PLXNA2: variants seen among roughly 807,000 people sequenced by gnomAD.
The protein encoded by PLXNA2 is plexin-A2.
In PLXNA2, 91 loss-of-function variants were observed where a neutral mutation model predicts 193.5. The ratio of observed to expected loss-of-function variants is 0.47; its 90% CI spans 0.40 to 0.56. The LOEUF is 0.56. PLXNA2 is among the 20% of genes least tolerant of loss of function. PLXNA2 has a pLI of 0.00. For synonymous variants in PLXNA2, 997 were observed against 1,027.3 expected (o/e 0.97, Z 0.56); for missense variants, 1,995 against 2,503.2 (o/e 0.80, Z 4.33).
chr1:208,233,971 G>A (rs1671773229), intron 1 of PLXNA2, among the ~76,000 whole-genome samples: 1 of 152,194 alleles, frequency 6.6e-6, no homozygotes, highest in Non-Finnish European at 1.5e-5. Context: ...CAGATGGGAA[G>A]AGAAGAGGAG....
At chr1:208,205,344 G>A (rs988259395) in intron 3 of PLXNA2, among the ~76,000 whole-genome samples, 4 of 152,180 alleles carry the variant, frequency 2.6e-5, no homozygotes, top group Non-Finnish European at 4.4e-5. Context: ...CTGTCATGAG[G>A]AACTGGACCC....
At position 208,044,037 on chromosome 1, in the gene PLXNA2, G is replaced by A. The variant is rs758334106; in HGVS notation, c.3874+471C>T. 1.4e-4 allele frequency among the ~76,000 whole-genome samples: 22 copies of A among 152,182 alleles called. No homozygotes were observed. The highest frequency in any genetic ancestry group is 1.2e-4 in the African/African-American group (5 of 41,454). ...ACCAGCAAGTGGCGGCCTTCAGAGC[G>A]CTCAGCCTGCAGCACTGATGGAAAA... On this transcript the variant is annotated intron_variant, in intron 20 of 31. Transcript: ENST00000367033. This position sits in a 1 kb window ranked among gnomAD's most constrained non-coding sequence, Gnocchi z 4.9.
In PLXNA2 at chr1:208,046,095, G is replaced by A; in HGVS notation, c.3278C>T (p.Thr1093Ile). Residue 1093 changes from threonine (T) to isoleucine (I), a missense_variant, in exon 18 of 32, where the codon ACC (threonine) becomes ATC (isoleucine). Around this residue, in one of 3 missense-constraint regions of PLXNA2, gnomAD observed 1,291 missense variants for 1,673.6 expected, o/e 0.77. Transcript: ENST00000367033. ...SVNVCKVVNT[T>I]TLTCLAPSLT... ...AGAGGGTGCCAGGCAGGTGAGGGTG[G>A]TTGTGTTCACAACTTTACACACCTA... 6.2e-7 allele frequency: 1 copy of A among 1,614,162 alleles called. No individual in the cohort carries two copies.
At chr1:208,112,592 A>G (rs1223179549) in intron 4 of PLXNA2, among the ~76,000 whole-genome samples, 1 of 152,134 alleles carries the variant, frequency 6.6e-6, no homozygotes, top group Non-Finnish European at 1.5e-5. Flanking sequence ...TAGCATGGAA[A>G]AGCTGCAGAG....
chr1:208,041,595 C>A (rs1664871531), intron 22 of PLXNA2, among the ~76,000 whole-genome samples: 1 of 152,190 alleles, frequency 6.6e-6, no homozygotes, highest in African/African-American at 2.4e-5. Context: ...AATGTGGCAA[C>A]CAAGCACTTA....
At chr1:208,214,140 C>A (rs930047585) in intron 2 of PLXNA2, among the ~76,000 whole-genome samples, 2 of 149,446 alleles carry the variant, frequency 1.3e-5, no homozygotes, top group Non-Finnish European at 3.0e-5. Flanking sequence ...AAAAAAAAAA[C>A]CAAAGACTAT....
chr1:208,171,872 AGAT>A (rs1669505588), intron 3 of PLXNA2, among the ~76,000 whole-genome samples: 1 of 151,942 alleles, frequency 6.6e-6, no homozygotes, highest in African/African-American at 2.4e-5. Context: ...GTTTTTTTTA[AGAT>A]GATAATAATA....
chr1:208,188,757 C>T (rs969589516), intron 3 of PLXNA2, among the ~76,000 whole-genome samples: 5 of 151,816 alleles, frequency 3.3e-5, no homozygotes, highest in African/African-American at 4.8e-5. Context: ...ATCCCAACCT[C>T]TCAAGCTGCT....
chr1:208,023,725 A>G lies in PLXNA2; in HGVS notation c.*3518T>C, dbSNP rs1470608674. 1 of 152,286 alleles carries G rather than the reference A, an allele frequency of 6.6e-6. No homozygotes were observed. Among genetic ancestry groups the G allele is most frequent in the Non-Finnish European group, 1.5e-5 (1 of 68,060 alleles). The allele number at this position is 152,286 out of a possible 1,614,324, so 9.4% of individuals were successfully genotyped here. A position where few individuals can be genotyped will look rare whatever the true frequency, so the allele number is the denominator to read the frequency against. ...AACTGTTGCCTGCTAAGTTGGTGGC[A>G]GGAACCAGCTTCCTGAAGGATATAA... On this transcript the variant is annotated 3_prime_UTR_variant, in exon 32 of 32. Transcript: ENST00000367033.
intron 3 of PLXNA2, among the ~76,000 whole-genome samples, chr1:208,194,855 C>T (rs940052867): frequency 2.0e-5 from 3 of 152,142 alleles, no homozygotes; most frequent in Non-Finnish European, 2.9e-5. Context: ...CCCAAGGGCA[C>T]CTTTTCTGGA....
chr1:208,109,264 G>T (rs1667384919), intron 4 of PLXNA2, among the ~76,000 whole-genome samples: 1 of 152,134 alleles, frequency 6.6e-6, no homozygotes, highest in African/African-American at 2.4e-5. Flanking sequence ...GGCTCCCTGG[G>T]CCTCTCTCCT....
At chr1:208,182,883 G>T (rs1421828490) in intron 3 of PLXNA2, among the ~76,000 whole-genome samples, 1 of 152,002 alleles carries the variant, frequency 6.6e-6, no homozygotes, top group Admixed American at 6.6e-5. Context: ...TAGGGGTAGG[G>T]GACAGTAAAA....
intron 24 of PLXNA2, 96 bp from the exon 25 acceptor site, chr1:208,039,080 A>G: frequency 8.7e-7 from 1 of 1,152,806 alleles, no homozygotes; most frequent in Non-Finnish European, 1.2e-6. Context: ...TCCAAAGTTC[A>G]CCCTCCTTAT....
chr1:208,158,448 C>G (rs1030664877), intron 3 of PLXNA2, among the ~76,000 whole-genome samples: 2 of 152,290 alleles, frequency 1.3e-5, no homozygotes, highest in Admixed American at 6.5e-5. Context: ...TGCATTTCCC[C>G]CTGTCTGCCC....
chr1:208,158,448 CCT>C (rs1357150346), intron 3 of PLXNA2, among the ~76,000 whole-genome samples: 3 of 152,172 alleles, frequency 2.0e-5, no homozygotes, highest in African/African-American at 2.4e-5. Context: ...TGCATTTCCC[CCT>C]GTCTGCCCCA....
intron 28 of PLXNA2, among the ~76,000 whole-genome samples, chr1:208,033,114 C>T (rs1284290913): frequency 1.3e-5 from 2 of 151,264 alleles, no homozygotes; most frequent in Non-Finnish European, 2.9e-5. Flanking sequence ...CAGGCTGGTC[C>T]CATACTCTTG....
intron 14 of PLXNA2, 93 bp from the exon 15 acceptor site, chr1:208,052,556 T>C: frequency 7.6e-7 from 1 of 1,312,528 alleles, no homozygotes; most frequent in South Asian, 1.3e-5. Flanking sequence ...ATTGTTTTCA[T>C]TCTGGGCGTG....
rs535528710 is a variant in PLXNA2, at chr1:208,147,606, C to T, written c.1372-5143G>A. Among the ~76,000 whole-genome samples, 13 of 152,348 alleles carry T rather than the reference C, an allele frequency of 8.5e-5. No individual in the cohort carries two copies. In the South Asian group the frequency reaches 2.7e-3, roughly 32 times the overall value. On this transcript the variant is annotated intron_variant, in intron 3 of 31. Transcript: ENST00000367033. ...ACTCATTTAACACTTCCAAGCATTC[C>T]TGAGGTAAATACTATTTTAAATCCC...
intron 1 of PLXNA2, among the ~76,000 whole-genome samples, chr1:208,240,279 G>C (rs1248908334): frequency 1.1e-4 from 17 of 152,226 alleles, no homozygotes; most frequent in Non-Finnish European, 1.5e-5. Flanking sequence ...GCCCAGGAGA[G>C]CCTGAGGGCT....
Sources: gnomAD v4.1 joint callset for allele counts (sites outside exome capture counted in the v4.1 genomes callset) on GRCh38, gnomAD v4.1.1 for gene constraint, gnomAD v4.1.1 regional missense constraint, Gnocchi (gnomAD v3.1) non-coding constraint, MANE v1.5 for transcripts, NCBI Gene and HGNC (gene_info 2026-07-23, HGNC 2026-07-21) for gene names.